ZNF385D: variants seen among roughly 807,000 people sequenced by gnomAD.
ZNF385D encodes the protein zinc finger protein 659.
In ZNF385D, 15 loss-of-function variants were observed where a neutral mutation model predicts 35.8. That is an observed-to-expected ratio of 0.42 (90% CI 0.28 to 0.64). ZNF385D has a LOEUF of 0.64. ZNF385D is among the 30% of genes least tolerant of loss of function. The pLI is 0.23. For missense variants in ZNF385D, 474 were observed against 494.6 expected (o/e 0.96, Z 0.39); for synonymous variants, 212 against 186.8 (o/e 1.13, Z -1.10).
At position 22,325,278 on chromosome 3, in the gene ZNF385D, C is replaced by T. The variant is rs141437437; in HGVS notation, c.106+47172G>A. Among the ~76,000 whole-genome samples the T allele has an allele frequency of 4.7e-4, 72 of 152,274 alleles. 1 individual carries two copies. The East Asian group carries it at 0.012, about 24-fold the overall frequency. ...GAAAACTCAAGCTGTAGAACTTTTA[C>T]ATGTGGCTAGTAATATTGGGGAACA... On this transcript the variant is annotated intron_variant, in intron 2 of 5. Transcript: ENST00000494108.
chr3:21,605,182 G>A (rs1372573595), intron 2 of ZNF385D, among the ~76,000 whole-genome samples: 1 of 152,176 alleles, frequency 6.6e-6, no homozygotes, highest in African/African-American at 2.4e-5. Context: ...GAGGGGGGCT[G>A]TGTGGGACTT....
intron 2 of ZNF385D, among the ~76,000 whole-genome samples, chr3:22,218,392 G>C (rs1255643414): frequency 6.6e-6 from 1 of 151,606 alleles, no homozygotes; most frequent in Non-Finnish European, 1.5e-5. Context: ...AACTAACTTT[G>C]TATTCTGTAA....
chr3:22,156,020 T>G (rs1705558936), intron 3 of ZNF385D, among the ~76,000 whole-genome samples: 1 of 152,118 alleles, frequency 6.6e-6, no homozygotes, highest in Admixed American at 6.6e-5. Flanking sequence ...CTTGTCCCAG[T>G]AACTCCCATG....
At chr3:22,164,247 T>TTTTTTTTTTTTTTTTG (rs1348547943) in intron 3 of ZNF385D, among the ~76,000 whole-genome samples, 3 of 93,486 alleles carry the variant, frequency 3.2e-5, no homozygotes, top group African/African-American at 1.2e-4. Flanking sequence ...TTTTTTTTTT[T>TTTTTTTTTTTTTTTTG]GAGACGGGGT....
chr3:22,024,272 T>G (rs779852443), intron 3 of ZNF385D, among the ~76,000 whole-genome samples: 1 of 152,098 alleles, frequency 6.6e-6, no homozygotes, highest in Non-Finnish European at 1.5e-5. Flanking sequence ...TTGTGGGATC[T>G]TGAGATCGTG....
intron 2 of ZNF385D, among the ~76,000 whole-genome samples, chr3:22,361,614 A>G (rs1284145292): frequency 1.3e-5 from 2 of 151,992 alleles, no homozygotes; most frequent in Non-Finnish European, 2.9e-5. Flanking sequence ...CATTCCATTC[A>G]TGTACTATCA....
At chr3:21,503,270 G>A (rs976249393) in intron 4 of ZNF385D, among the ~76,000 whole-genome samples, 2 of 152,098 alleles carry the variant, frequency 1.3e-5, no homozygotes, top group Non-Finnish European at 2.9e-5. Flanking sequence ...TTGTATTCAT[G>A]TACAATATAT....
intron 3 of ZNF385D, among the ~76,000 whole-genome samples, chr3:22,079,024 A>C (rs1700608264): frequency 6.6e-6 from 1 of 152,214 alleles, no homozygotes; most frequent in Non-Finnish European, 1.5e-5. Flanking sequence ...TTTTAGAATA[A>C]CCAGAGCTTA....
At chr3:22,068,151 C>T (rs181514303) in intron 3 of ZNF385D, among the ~76,000 whole-genome samples, 184 of 152,280 alleles carry the variant, frequency 1.2e-3, no homozygotes, top group Non-Finnish European at 2.2e-3. Context: ...TCATTTATTA[C>T]GGTTCATCTG....
At chr3:22,149,931 A>G (rs1705111367) in intron 3 of ZNF385D, among the ~76,000 whole-genome samples, 2 of 152,198 alleles carry the variant, frequency 1.3e-5, no homozygotes, top group Admixed American at 1.3e-4. Context: ...ATAAGCTCTC[A>G]GAACTTACTC....
At chr3:22,187,797 C>G (rs1171072185) in intron 2 of ZNF385D, among the ~76,000 whole-genome samples, 1 of 152,270 alleles carries the variant, frequency 6.6e-6, no homozygotes, top group Admixed American at 6.5e-5. Context: ...TGGTAGCTGT[C>G]CACAATAATG....
intron 2 of ZNF385D, among the ~76,000 whole-genome samples, chr3:22,253,972 T>C (rs1700186977): frequency 6.6e-6 from 1 of 151,960 alleles, no homozygotes; most frequent in African/African-American, 2.4e-5. Context: ...TCTAATCCTT[T>C]TCCAAGAAAG....
intron 1 of ZNF385D, among the ~76,000 whole-genome samples, chr3:21,741,973 C>G (rs573086006): frequency 6.6e-6 from 1 of 152,144 alleles, no homozygotes; most frequent in Non-Finnish European, 1.5e-5. Flanking sequence ...GATGAAGTAA[C>G]GAAATGCTTC....
intron 2 of ZNF385D, among the ~76,000 whole-genome samples, chr3:22,331,267 A>T (rs1694922830): frequency 6.6e-6 from 1 of 152,186 alleles, no homozygotes; most frequent in East Asian, 1.9e-4. Context: ...ATTACACAGC[A>T]CAAGTGTCAG....
intron 3 of ZNF385D, among the ~76,000 whole-genome samples, chr3:21,915,900 G>C (rs9812028): frequency 0.019 from 2,933 of 152,214 alleles, 101 homozygotes; most frequent in African/African-American, 0.067. Context: ...AGGTTTTCTA[G>C]CTGAGACTAC....
chr3:21,537,414 G>A (rs1295505376), intron 3 of ZNF385D, among the ~76,000 whole-genome samples: 3 of 151,494 alleles, frequency 2.0e-5, no homozygotes, highest in African/African-American at 7.3e-5. Flanking sequence ...TCACCTGCTG[G>A]GATTACAGGT....
Position 21,823,767 on chromosome 3 carries a change from C to G in ZNF385D, c.326-158739G>C, listed in dbSNP as rs539695230. ...TAAATGCAAATGGAGCACGTACTAC[C>G]TACATATGATCAAAGCAGATTGTGC... On this transcript the variant is annotated intron_variant, in intron 3 of 5. Coordinates refer to the ZNF385D transcript ENST00000494108. 2.6e-5 allele frequency among the ~76,000 whole-genome samples: 4 copies of G among 152,188 alleles called. No individual in the cohort carries two copies. The South Asian group carries it at 8.3e-4, about 32-fold the overall frequency.
intron 2 of ZNF385D, among the ~76,000 whole-genome samples, chr3:22,338,698 AT>A (rs562729331): frequency 0.025 from 3,132 of 125,352 alleles, 57 homozygotes; most frequent in African/African-American, 0.067. Context: ...TATTCATCTC[AT>A]TTTTTTTTTT....
intron 3 of ZNF385D, among the ~76,000 whole-genome samples, chr3:22,130,889 G>A (rs1292318061): frequency 6.6e-6 from 1 of 152,052 alleles, no homozygotes; most frequent in African/African-American, 2.4e-5. Context: ...TGGCCATCTT[G>A]CATCACCTCT....
Sources: allele counts gnomAD v4.1 joint callset (sites outside exome capture counted in the v4.1 genomes callset), GRCh38; gene constraint gnomAD v4.1.1; transcripts MANE v1.5; gene names NCBI Gene and HGNC (gene_info 2026-07-23, HGNC 2026-07-21).